CTNNA3: variants seen among roughly 807,000 people sequenced by gnomAD.
The protein encoded by CTNNA3 is catenin alpha 3, also known as catenin alpha-3.
Under a neutral mutation model 95.7 loss-of-function variants are expected in CTNNA3, and 76 were observed. The ratio of observed to expected loss-of-function variants is 0.79; its 90% CI spans 0.66 to 0.96. The LOEUF (loss-of-function observed/expected upper bound fraction) is 0.96. Ranked by LOEUF, CTNNA3 falls within the 40% of genes least tolerant of loss-of-function variation. The pLI, the probability that CTNNA3 is intolerant of heterozygous loss-of-function variation, is 0.00. For missense variants in CTNNA3, 1,191 were observed against 1,089.8 expected, an observed-to-expected ratio of 1.09 and a Z score of -1.31; for synonymous variants, 431 against 374.4, an observed-to-expected ratio of 1.15 and a Z score of -1.74.
intron 8 of CTNNA3, among the ~76,000 whole-genome samples, chr10:66,768,359 T>C (rs1839949477): frequency 6.6e-6 from 1 of 152,008 alleles, no homozygotes; most frequent in Admixed American, 6.5e-5. Context: ...GATGAGACCA[T>C]ATAGAGTGAG....
At chr10:66,856,086 A>T (rs7899720) in intron 7 of CTNNA3, among the ~76,000 whole-genome samples, 43,115 of 151,686 alleles carry the variant, frequency 0.28, 6,956 homozygotes, top group East Asian at 0.54. Flanking sequence ...CCTCCACCCT[A>T]GAGTACACCC....
At chr10:65,931,366 C>T (rs1281372942) in intron 17 of CTNNA3, among the ~76,000 whole-genome samples, 1 of 152,172 alleles carries the variant, frequency 6.6e-6, no homozygotes, top group Admixed American at 6.5e-5. Context: ...ACAATATGTA[C>T]TATGTCAGTT....
intron 15 of CTNNA3, among the ~76,000 whole-genome samples, chr10:66,026,256 A>G (rs1282285345): frequency 6.6e-6 from 1 of 152,208 alleles, no homozygotes; most frequent in Non-Finnish European, 1.5e-5. Flanking sequence ...TCAAGATGCC[A>G]GTCATTATAA....
chr10:66,683,269 T>C (rs1259100739), intron 9 of CTNNA3, among the ~76,000 whole-genome samples: 1 of 152,164 alleles, frequency 6.6e-6, no homozygotes, highest in Non-Finnish European at 1.5e-5. Flanking sequence ...CTATAGTCTT[T>C]GGGAATAAAG....
At chr10:67,656,662 A>T (rs1840033737) in intron 1 of CTNNA3, among the ~76,000 whole-genome samples, 1 of 152,156 alleles carries the variant, frequency 6.6e-6, no homozygotes, top group Middle Eastern at 3.4e-3. Context: ...GACTAGCCTC[A>T]TTGAGAAGGG....
At chr10:66,334,449 G>C (rs1452075272) in intron 12 of CTNNA3, among the ~76,000 whole-genome samples, 2 of 151,410 alleles carry the variant, frequency 1.3e-5, no homozygotes, top group African/African-American at 2.4e-5. Flanking sequence ...ATCTCTCAGT[G>C]TTTGCTTGTC....
intron 5 of CTNNA3, among the ~76,000 whole-genome samples, chr10:67,472,177 TACAGCAGCCTAC>T (rs1847853729): frequency 3.3e-5 from 5 of 152,208 alleles, no homozygotes; most frequent in Admixed American, 3.3e-4. Flanking sequence ...AAGTTTGATT[TACAGCAGCCTAC>T]ACTCCAGCCA....
chr10:66,101,250 A>T (rs1202070441), intron 14 of CTNNA3, among the ~76,000 whole-genome samples: 1 of 152,230 alleles, frequency 6.6e-6, no homozygotes, highest in Non-Finnish European at 1.5e-5. Flanking sequence ...AGTTTTCAAC[A>T]CAAATTGGCT....
At chr10:66,539,114 A>G (rs1427694286) in intron 10 of CTNNA3, among the ~76,000 whole-genome samples, 2 of 152,160 alleles carry the variant, frequency 1.3e-5, no homozygotes, top group Admixed American at 1.3e-4. Flanking sequence ...GACTAATACG[A>G]CATTGGAAAT....
At chr10:66,079,247 C>A (rs986631654) in intron 14 of CTNNA3, 4 of 151,970 alleles carry the variant, frequency 2.6e-5, no homozygotes, top group African/African-American at 9.7e-5. Context: ...GGCACCATTT[C>A]TGCTCTCAAA....
chr10:66,000,590 C>A (rs1259847752), intron 15 of CTNNA3, among the ~76,000 whole-genome samples: 1 of 151,920 alleles, frequency 6.6e-6, no homozygotes, highest in Non-Finnish European at 1.5e-5. Context: ...CTCCTTAATC[C>A]TTTTTTTCTT....
chr10:66,896,218 T>G (rs2132509175), intron 7 of CTNNA3, among the ~76,000 whole-genome samples: 1 of 152,328 alleles, frequency 6.6e-6, no homozygotes, highest in Middle Eastern at 3.4e-3. Context: ...TGCATGGTGC[T>G]CCACAAAGAG....
chr10:65,979,424 A>T (rs1263526129), intron 16 of CTNNA3, among the ~76,000 whole-genome samples: 1 of 152,130 alleles, frequency 6.6e-6, no homozygotes, highest in African/African-American at 2.4e-5. Context: ...GAAATTTGTC[A>T]TTCAAAGAAT....
At chr10:66,196,375 A>T (rs947677502) in intron 13 of CTNNA3, among the ~76,000 whole-genome samples, 18 of 152,324 alleles carry the variant, frequency 1.2e-4, no homozygotes, top group African/African-American at 4.3e-4. Context: ...AGGCATAAAA[A>T]GTGAGGCAAA....
chr10:67,687,907 C>T (rs1020424509), intron 1 of CTNNA3, among the ~76,000 whole-genome samples: 16 of 152,160 alleles, frequency 1.1e-4, no homozygotes, highest in Admixed American at 3.3e-4. Flanking sequence ...TGATCTGAGT[C>T]GAGGTCCCAG....
At chr10:66,554,256 CTTT>C (rs1201580874) in intron 10 of CTNNA3, among the ~76,000 whole-genome samples, 6 of 151,952 alleles carry the variant, frequency 3.9e-5, no homozygotes, top group Non-Finnish European at 8.8e-5. Context: ...AAGTAGTTGC[CTTT>C]TTTCCCCTGA....
At chr10:66,756,047 T>G (rs1160818727) in intron 9 of CTNNA3, among the ~76,000 whole-genome samples, 1 of 152,208 alleles carries the variant, frequency 6.6e-6, no homozygotes, top group Non-Finnish European at 1.5e-5. Context: ...TTAAATTTAT[T>G]TGAAGAACAT....
intron 7 of CTNNA3, among the ~76,000 whole-genome samples, chr10:67,021,322 G>A (rs189836837): frequency 8.7e-4 from 132 of 152,160 alleles, no homozygotes; most frequent in Non-Finnish European, 1.6e-3. Flanking sequence ...TAATTGTGAG[G>A]TTAAAATGTA....
At chr10:66,674,563 T>C (rs564229841) in intron 9 of CTNNA3, among the ~76,000 whole-genome samples, 2 of 151,888 alleles carry the variant, frequency 1.3e-5, no homozygotes, top group Admixed American at 6.6e-5. Context: ...TTTGCTCTTT[T>C]ACAGAGTGAA....
Sources: gnomAD v4.1 joint callset for allele counts (sites outside exome capture counted in the v4.1 genomes callset) on GRCh38, gnomAD v4.1.1 for gene constraint, MANE v1.5 for transcripts, NCBI Gene and HGNC (gene_info 2026-07-23, HGNC 2026-07-21) for gene names.